The following ANKRD40CL variants were observed in gnomAD, a reference collection of about 807,000 sequenced individuals.
ANKRD40CL encodes putative ANKRD40 C-terminal-like protein.
For missense variants in ANKRD40CL, 11 were observed against 6.4 expected, an observed-to-expected ratio of 1.71 and a Z score of -0.77; for synonymous variants, 5 against 2.3, an observed-to-expected ratio of 2.14 and a Z score of -1.04.
At chr17:50,763,878 G>C in intron 2 of ANKRD40CL, 1 of 374,996 alleles carries the variant, frequency 2.7e-6, no homozygotes. Flanking sequence ...TACATAGCAG[G>C]TGCTCATACC....
At chr17:50,761,738 C>T (rs1367173854) in intron 3 of ANKRD40CL, among the ~76,000 whole-genome samples, 1 of 152,022 alleles carries the variant, frequency 6.6e-6, no homozygotes, top group East Asian at 1.9e-4. Context: ...CTCACTGCAA[C>T]CTCAGCCTCC....
chr17:50,763,336 G>A, intron 3 of ANKRD40CL, 61 bp downstream of exon 3: 1 of 398,986 alleles, frequency 2.5e-6, no homozygotes, highest in South Asian at 1.3e-4. Flanking sequence ...GTAAACGATT[G>A]GCTCCAGAGA....
Position 50,761,477 on chromosome 17 carries a change from A to G in ANKRD40CL, c.231T>C (p.Phe77=), listed in dbSNP as rs1597955635. 6 of 399,028 alleles carry G rather than the reference A, an allele frequency of 1.5e-5. No homozygotes were observed. In the East Asian group the frequency reaches 2.1e-4, roughly 14 times the overall value. 24.7% of individuals were successfully genotyped at this position (399,028 alleles called of 1,614,324 possible). A position where few individuals can be genotyped will look rare whatever the true frequency, so the allele number is the denominator to read the frequency against. ...KDKDIRRLRD[F]QEVELILMKN... The stretch of plus-strand genomic sequence containing the variant: ...TCATTAAAATGAGTTCCACTTCCTG[A>G]AAGTCCCGCAGTCTTCGAATGTCTT... The change falls in exon 4 of 4, where the codon TTT becomes TTC. Residue 77 remains phenylalanine, a synonymous_variant. Coordinates refer to ENST00000450727, the MANE Select transcript of ANKRD40CL (RefSeq NM_001358683.3).
chr17:50,766,713 G>A, intron 2 of ANKRD40CL, 161 bp downstream of exon 2: 1 of 542,986 alleles, frequency 1.8e-6, no homozygotes. Flanking sequence ...CCTTCTGAAA[G>A]GACCTTTGGT....
At chr17:50,766,234 G>A (rs980475640) in intron 2 of ANKRD40CL, among the ~76,000 whole-genome samples, 1 of 152,044 alleles carries the variant, frequency 6.6e-6, no homozygotes, top group Non-Finnish European at 1.5e-5. Flanking sequence ...TCCTTCTCAG[G>A]CAGCCCCTGT....
Position 50,762,192 on chromosome 17 carries a change from A to C in ANKRD40CL, c.202-686T>G, listed in dbSNP as rs188473943. Among the ~76,000 whole-genome samples the C allele has an allele frequency of 3.4e-3, 515 of 152,286 alleles. 1 individual carries two copies. Among genetic ancestry groups the C allele is most frequent in the Non-Finnish European group, 4.1e-3 (281 of 68,018 alleles). On this transcript the variant is annotated intron_variant, in intron 3 of 3. Coordinates refer to ENST00000450727, the MANE Select transcript of ANKRD40CL (RefSeq NM_001358683.3). ...CACCTCGGCCTCCCAAAGTGCTGGG[A>C]TTACAAGCATGAGACACCACACCCA...
At chr17:50,764,132 T>C (rs1321553343) in intron 2 of ANKRD40CL, 1 of 398,728 alleles carries the variant, frequency 2.5e-6, no homozygotes, top group Admixed American at 4.4e-5. Context: ...AGTTTGGCTT[T>C]GCAACCTGGT....
At chr17:50,764,859 T>C (rs1486390036) in intron 2 of ANKRD40CL, 3 of 152,206 alleles carry the variant, frequency 2.0e-5, no homozygotes, top group Non-Finnish European at 4.4e-5. Flanking sequence ...ATCACAGTTG[T>C]CGGGGCATGA....
intron 2 of ANKRD40CL, chr17:50,766,586 C>T (rs556174233): frequency 5.1e-6 from 2 of 393,986 alleles, no homozygotes; most frequent in South Asian, 8.0e-5. Context: ...AATCCTACCT[C>T]ACCAGATTGT....
intron 2 of ANKRD40CL, among the ~76,000 whole-genome samples, chr17:50,765,899 C>T (rs1454440408): frequency 6.6e-6 from 1 of 152,196 alleles, no homozygotes; most frequent in Non-Finnish European, 1.5e-5. Flanking sequence ...CTGGCACATG[C>T]TCCATTGTCC....
chr17:50,764,831 G>T (rs952952314), intron 2 of ANKRD40CL: 8 of 152,256 alleles, frequency 5.3e-5, no homozygotes, highest in African/African-American at 1.7e-4. Flanking sequence ...AGAAGAGACA[G>T]ATATTAATAA....
chr17:50,764,115 G>T, intron 2 of ANKRD40CL: 2 of 398,682 alleles, frequency 5.0e-6, no homozygotes, highest in Non-Finnish European at 8.8e-6. Flanking sequence ...ATGGAAAGCA[G>T]ATGGTCAGTT....
intron 2 of ANKRD40CL, chr17:50,764,771 G>C (rs72839295): frequency 0.3 from 46,212 of 152,178 alleles, 7,145 homozygotes; most frequent in African/African-American, 0.36. Flanking sequence ...GGGAAATCAT[G>C]TTCAAAAATC....
Position 50,763,426 on chromosome 17 carries a change from T to G in ANKRD40CL, c.172A>C (p.Arg58=). ...CTGAGCAGTGTGTTTGGTAGCTTTCTGATCTTCTCCACTCGTTCTGGTTTA... is the reference window on the plus strand; with the variant it reads ...CTGAGCAGTGTGTTTGGTAGCTTTCGGATCTTCTCCACTCGTTCTGGTTTA... ...GIKPERVEKI[R]KLPNTLLRKD... Residue 58 remains arginine (R), a synonymous_variant, in exon 3 of 4, where the codon AGA becomes CGA. Transcript: ENST00000450727. The G allele has an allele frequency of 2.5e-6, 1 of 399,090 alleles. No individual in the cohort carries two copies. Among genetic ancestry groups the G allele is most frequent in the East Asian group, 3.6e-5 (1 of 28,078 alleles). The allele number at this position is 399,090 out of a possible 1,614,324, so 24.7% of individuals were successfully genotyped here. A position where few individuals can be genotyped will look rare whatever the true frequency, so the allele number is the denominator to read the frequency against.
chr17:50,765,454 G>T (rs905333680), intron 2 of ANKRD40CL, among the ~76,000 whole-genome samples: 4 of 152,296 alleles, frequency 2.6e-5, no homozygotes, highest in African/African-American at 7.2e-5. Context: ...GTCCCCAAAA[G>T]AATCCTGTGG....
At chr17:50,765,552 A>T (rs1301240211) in intron 2 of ANKRD40CL, among the ~76,000 whole-genome samples, 1 of 152,226 alleles carries the variant, frequency 6.6e-6, no homozygotes, top group Non-Finnish European at 1.5e-5. Flanking sequence ...ATGGCCAGAT[A>T]TGGATGTGAC....
intron 2 of ANKRD40CL, chr17:50,764,041 G>T: frequency 2.5e-6 from 1 of 397,218 alleles, no homozygotes; most frequent in South Asian, 1.4e-4. Context: ...CCATCTTTCA[G>T]GACAGTGGCA....
chr17:50,761,073 C>T lies in ANKRD40CL; in HGVS notation c.*290G>A, dbSNP rs1971192152. 1 of 104,356 alleles carries T rather than the reference C, an allele frequency of 9.6e-6. No homozygotes were observed. Among genetic ancestry groups the T allele is most frequent in the Non-Finnish European group, 1.8e-5 (1 of 54,256 alleles). The allele number at this position is 104,356 out of a possible 1,614,324, so 6.5% of individuals were successfully genotyped here. On this transcript the variant is annotated 3_prime_UTR_variant, in exon 4 of 4. Transcript: ENST00000450727. ...ATTTATTTTGAGAGACAGAGTCTTG[C>T]TCTGTCGCCAGGCTGGAGTGCAGTG...
At chr17:50,764,834 A>G (rs746887386) in intron 2 of ANKRD40CL, 1 of 152,258 alleles carries the variant, frequency 6.6e-6, no homozygotes, top group Non-Finnish European at 1.5e-5. Context: ...AGAGACAGAT[A>G]TTAATAAATG....
Sources: allele counts gnomAD v4.1 joint callset (sites outside exome capture counted in the v4.1 genomes callset), GRCh38; gene constraint gnomAD v4.1.1; transcripts MANE v1.5; gene names NCBI Gene and HGNC (gene_info 2026-07-23, HGNC 2026-07-21).